Variants in ELOVL6 observed in about 807,000 individuals in gnomAD.
ELOVL6 encodes very long chain fatty acid elongase 6.
A neutral mutation model predicts 31.7 loss-of-function variants in ELOVL6; 8 were observed. That is an observed-to-expected ratio of 0.25 (90% CI 0.15 to 0.45). The LOEUF (loss-of-function observed/expected upper bound fraction) is 0.45. Among genes scored for constraint, ELOVL6 ranks in the 20% least tolerant of loss-of-function variants. The probability of loss-of-function intolerance (pLI) is 1.00; values close to 1 mark genes in which losing one functional copy is unlikely to be tolerated. For synonymous variants in ELOVL6, 101 were observed against 117.7 expected, an observed-to-expected ratio of 0.86 and a Z score of 0.92; for missense variants, 126 against 326.4, an observed-to-expected ratio of 0.39 and a Z score of 4.73.
intron 1 of ELOVL6, among the ~76,000 whole-genome samples, chr4:110,112,913 A>AT (rs1464539099): frequency 6.6e-6 from 1 of 150,748 alleles, no homozygotes; most frequent in East Asian, 2.0e-4. Context: ...AATCCATTCA[A>AT]TTTTTTATCT....
intron 1 of ELOVL6, among the ~76,000 whole-genome samples, chr4:110,155,344 A>G (rs1758384243): frequency 6.6e-6 from 1 of 152,096 alleles, no homozygotes; most frequent in South Asian, 2.1e-4. Context: ...AGTTATAGTT[A>G]TACTAATACA....
chr4:110,188,191 G>C (rs1759503732), intron 1 of ELOVL6, among the ~76,000 whole-genome samples: 1 of 152,178 alleles, frequency 6.6e-6, no homozygotes, highest in Admixed American at 6.5e-5. Flanking sequence ...GAACCAAGCT[G>C]AGTGCAAGAA....
intron 1 of ELOVL6, among the ~76,000 whole-genome samples, chr4:110,172,831 C>T (rs182203185): frequency 1.3e-5 from 2 of 152,248 alleles, no homozygotes; most frequent in East Asian, 3.9e-4. Flanking sequence ...ACATATACCC[C>T]TGGAATATGG....
At chr4:110,168,014 A>G (rs1458984865) in intron 1 of ELOVL6, among the ~76,000 whole-genome samples, 2 of 152,276 alleles carry the variant, frequency 1.3e-5, no homozygotes, top group Non-Finnish European at 2.9e-5. Flanking sequence ...TTCCAATTGG[A>G]AGGTATAGTT....
intron 2 of ELOVL6, among the ~76,000 whole-genome samples, chr4:110,072,294 G>A (rs1014833675): frequency 6.6e-6 from 1 of 152,178 alleles, no homozygotes; most frequent in Admixed American, 6.5e-5. Context: ...TGGCCAACAC[G>A]GCGAAACGCT....
chr4:110,084,155 A>G (rs1190852972), intron 2 of ELOVL6, among the ~76,000 whole-genome samples: 1 of 96,342 alleles, frequency 1.0e-5, no homozygotes, highest in African/African-American at 4.3e-5. Context: ...TGATATATAT[A>G]ACATATATGT....
At chr4:110,150,564 T>C (rs916380721) in intron 1 of ELOVL6, among the ~76,000 whole-genome samples, 15 of 152,198 alleles carry the variant, frequency 9.9e-5, no homozygotes, top group African/African-American at 3.1e-4. Flanking sequence ...CAAAATATTG[T>C]CAAAAATACT....
Position 110,090,600 on chromosome 4 carries a change from C to CT in ELOVL6, c.221+14896dup, listed in dbSNP as rs544234717. The stretch of plus-strand genomic sequence containing the variant: ...GGAACTTACAGGAAAGTTTGACTTT[C>CT]TTTTTTTTTTTTTTTTTTTTCATGA... On this transcript the variant is annotated intron_variant, in intron 2 of 3. Coordinates refer to ENST00000302274, the MANE Select transcript of ELOVL6 (RefSeq NM_024090.3). Among the ~76,000 whole-genome samples the CT allele has an allele frequency of 4.5e-3, 468 of 103,708 alleles. 14 individuals carry two copies. Among genetic ancestry groups the CT allele is most frequent in the South Asian group, 0.024 (74 of 3,046 alleles). The allele number at this position is 103,708 out of a possible 152,430, so 68.0% of individuals were successfully genotyped here.
upstream of ELOVL6, chr4:110,198,886 G>C (rs933453525): frequency 6.6e-6 from 1 of 152,450 alleles, no homozygotes; most frequent in Non-Finnish European, 1.5e-5. Flanking sequence ...CTTGCAGGGC[G>C]CATCCCCGCG....
intron 2 of ELOVL6, among the ~76,000 whole-genome samples, chr4:110,072,944 T>C (rs1036118016): frequency 9.9e-5 from 15 of 152,200 alleles, no homozygotes; most frequent in African/African-American, 2.9e-4. Flanking sequence ...CGAAATGATT[T>C]TGAAAATGAG....
chr4:110,169,243 GTT>G (rs1244510218), intron 1 of ELOVL6, among the ~76,000 whole-genome samples: 2 of 137,892 alleles, frequency 1.5e-5, no homozygotes, highest in Non-Finnish European at 1.5e-5. Flanking sequence ...TTTTTGTTTT[GTT>G]TTTTTTTTTT....
intron 1 of ELOVL6, among the ~76,000 whole-genome samples, chr4:110,168,010 T>C (rs1387416776): frequency 6.6e-6 from 1 of 152,154 alleles, no homozygotes; most frequent in Non-Finnish European, 1.5e-5. Flanking sequence ...TTAATTCCAA[T>C]TGGAAGGTAT....
At chr4:110,074,616 T>C (rs1469209885) in intron 2 of ELOVL6, among the ~76,000 whole-genome samples, 1 of 152,190 alleles carries the variant, frequency 6.6e-6, no homozygotes, top group Non-Finnish European at 1.5e-5. Flanking sequence ...GCTTATATCT[T>C]AAATGAGGGC....
chr4:110,116,608 T>C (rs2126251524), intron 1 of ELOVL6, among the ~76,000 whole-genome samples: 1 of 152,364 alleles, frequency 6.6e-6, no homozygotes, highest in East Asian at 1.9e-4. Flanking sequence ...TTATTCTGAC[T>C]GTCCACAGTC....
intron 1 of ELOVL6, among the ~76,000 whole-genome samples, chr4:110,140,242 G>C (rs1424754795): frequency 5.9e-5 from 9 of 152,156 alleles, no homozygotes; most frequent in Admixed American, 4.6e-4. Context: ...AAAGCTAGGG[G>C]AAGCCTGTGG....
chr4:110,069,367 A>G (rs979273514), intron 2 of ELOVL6, among the ~76,000 whole-genome samples: 1 of 151,458 alleles, frequency 6.6e-6, no homozygotes, highest in Non-Finnish European at 1.5e-5. Context: ...CCTTGGCACT[A>G]CTAATAGCCT....
Position 110,049,477 on chromosome 4 carries a change from A to T in ELOVL6, c.*1861T>A, listed in dbSNP as rs900447832. 6.5e-6 allele frequency: 1 copy of T among 152,742 alleles called. No homozygotes were observed. Among genetic ancestry groups the T allele is most frequent in the Non-Finnish European group, 1.5e-5 (1 of 68,036 alleles). The allele number at this position is 152,742 out of a possible 1,614,324, so 9.5% of individuals were successfully genotyped here. On this transcript the variant is annotated 3_prime_UTR_variant, in exon 4 of 4. Transcript: ENST00000302274. ...GCCATCTCTGACAGAAAAGCAGAGC[A>T]GCTCTGTTTCATGAACGACAGCACA...
chr4:110,088,211 CTAAT>C (rs1405254689), intron 2 of ELOVL6, among the ~76,000 whole-genome samples: 9 of 152,140 alleles, frequency 5.9e-5, no homozygotes, highest in Non-Finnish European at 1.2e-4. Context: ...GCACAGAGCG[CTAAT>C]TAGAGTATTG....
intron 1 of ELOVL6, among the ~76,000 whole-genome samples, chr4:110,143,498 CT>C (rs1429693258): frequency 6.6e-6 from 1 of 151,944 alleles, no homozygotes; most frequent in Non-Finnish European, 1.5e-5. Flanking sequence ...AAATACATTT[CT>C]TATTATATTT....
Sources: gnomAD v4.1 joint callset for allele counts (sites outside exome capture counted in the v4.1 genomes callset) on GRCh38, gnomAD v4.1.1 for gene constraint, MANE v1.5 for transcripts, NCBI Gene and HGNC (gene_info 2026-07-23, HGNC 2026-07-21) for gene names.